GATAD2B: variants seen among roughly 807,000 people sequenced by gnomAD.
GATAD2B encodes GATA zinc finger domain containing 2B.
In GATAD2B, 8 loss-of-function variants were observed where a neutral mutation model predicts 64.3. That is an observed-to-expected ratio of 0.12 (90% CI 0.07 to 0.22). The LOEUF (loss-of-function observed/expected upper bound fraction) is 0.22. Among genes scored for constraint, GATAD2B ranks in the 10% least tolerant of loss-of-function variants. The probability of loss-of-function intolerance (pLI) is 1.00; values close to 1 mark genes in which losing one functional copy is unlikely to be tolerated. For synonymous variants in GATAD2B, 281 were observed against 271.3 expected, an observed-to-expected ratio of 1.04 and a Z score of -0.35; for missense variants, 453 against 752.0, an observed-to-expected ratio of 0.60 and a Z score of 4.65.
chr1:153,820,553 C>T (rs1456736181), intron 2 of GATAD2B, among the ~76,000 whole-genome samples: 1 of 152,194 alleles, frequency 6.6e-6, no homozygotes, highest in Non-Finnish European at 1.5e-5. Flanking sequence ...TTCAAAGATA[C>T]ATTCCCAGAT....
At chr1:153,859,884 G>A (rs1187145121) in intron 1 of GATAD2B, among the ~76,000 whole-genome samples, 3 of 137,858 alleles carry the variant, frequency 2.2e-5, no homozygotes, top group Admixed American at 1.4e-4. Flanking sequence ...TCTTTGTGCT[G>A]TCAAGGAATT....
intron 1 of GATAD2B, among the ~76,000 whole-genome samples, chr1:153,859,437 A>C (rs1209835968): frequency 6.6e-6 from 1 of 151,504 alleles, no homozygotes; most frequent in African/African-American, 2.4e-5. Flanking sequence ...TGGGAGACCC[A>C]GGTGGGTGGA....
At chr1:153,893,006 T>C (rs1376892194) in intron 1 of GATAD2B, among the ~76,000 whole-genome samples, 3 of 152,082 alleles carry the variant, frequency 2.0e-5, no homozygotes, top group Non-Finnish European at 2.9e-5. Flanking sequence ...AAATCTTCTT[T>C]ATTGAAATGA....
At chr1:153,818,312 T>TTA in intron 4 of GATAD2B, 141 bp from the exon 5 acceptor site, 3 of 601,508 alleles carry the variant, frequency 5.0e-6, no homozygotes, top group Admixed American at 4.3e-5. Flanking sequence ...AGTCAAGGTT[T>TTA]TCTTTTTTTT....
intron 1 of GATAD2B, among the ~76,000 whole-genome samples, chr1:153,861,625 A>T (rs1455673303): frequency 6.7e-6 from 1 of 149,644 alleles, no homozygotes; most frequent in Non-Finnish European, 1.5e-5. Flanking sequence ...CTACTAAAAA[A>T]AAAAAAAATT....
At position 153,897,033 on chromosome 1, in the gene GATAD2B, C is replaced by CTTT. The variant is rs764620884; in HGVS notation, c.-2+25697_-2+25699dup. Among the ~76,000 whole-genome samples, 1,025 of 142,524 alleles carry CTTT rather than the reference C, an allele frequency of 7.2e-3. 10 individuals are homozygous for CTTT. Among genetic ancestry groups the CTTT allele is most frequent in the Non-Finnish European group, 0.01 (672 of 65,314 alleles). The allele number at this position is 142,524 out of a possible 152,430, so 93.5% of individuals were successfully genotyped here. A position where few individuals can be genotyped will look rare whatever the true frequency, so the allele number is the denominator to read the frequency against. On this transcript the variant is annotated intron_variant, in intron 1 of 10. Coordinates refer to ENST00000368655, the MANE Select transcript of GATAD2B (RefSeq NM_020699.4). ...GGGAACTAAAATAGCTCTTAGAACA[C>CTTT]TTTTTTTTTTTTTTTGAGATGGAGT... is the stretch of plus-strand genomic sequence containing the variant.
At chr1:153,821,542 G>A (rs1022285297) in intron 2 of GATAD2B, among the ~76,000 whole-genome samples, 3 of 151,974 alleles carry the variant, frequency 2.0e-5, no homozygotes, top group African/African-American at 7.3e-5. Context: ...CCCCAAATAT[G>A]AGGAGTAACA....
At chr1:153,848,602 G>C (rs1256494777) in intron 1 of GATAD2B, among the ~76,000 whole-genome samples, 3 of 152,152 alleles carry the variant, frequency 2.0e-5, no homozygotes, top group Non-Finnish European at 2.9e-5. Context: ...ATTCCTAGCT[G>C]TCATTCTCCT....
intron 1 of GATAD2B, among the ~76,000 whole-genome samples, chr1:153,865,607 T>TAAGTAACAGATTA (rs1676451679): frequency 6.6e-6 from 1 of 152,224 alleles, no homozygotes; most frequent in South Asian, 2.1e-4. Context: ...TTCTGTTACA[T>TAAGTAACAGATTA]AAGTAAAGAC....
At chr1:153,892,140 G>T (rs1305015473) in intron 1 of GATAD2B, among the ~76,000 whole-genome samples, 1 of 145,780 alleles carries the variant, frequency 6.9e-6, no homozygotes, top group African/African-American at 2.6e-5. Context: ...ACTCTAGCCT[G>T]GCAACAGAGT....
intron 1 of GATAD2B, among the ~76,000 whole-genome samples, chr1:153,846,315 C>T (rs1675687254): frequency 6.6e-6 from 1 of 152,104 alleles, no homozygotes; most frequent in Non-Finnish European, 1.5e-5. Flanking sequence ...TCACTGCAAC[C>T]TCTGCCTCCG....
intron 1 of GATAD2B, among the ~76,000 whole-genome samples, chr1:153,900,842 T>A (rs1449824464): frequency 6.6e-6 from 1 of 152,208 alleles, no homozygotes; most frequent in Non-Finnish European, 1.5e-5. Flanking sequence ...ACTTTACTTA[T>A]AAACACTGAA....
chr1:153,840,026 CTTTTTTTTTT>C (rs779722872), intron 1 of GATAD2B, among the ~76,000 whole-genome samples: 2 of 97,828 alleles, frequency 2.0e-5, no homozygotes, highest in Non-Finnish European at 1.9e-5. Context: ...AAAATACTTT[CTTTTTTTTTT>C]TTTTTTTTTT....
intron 1 of GATAD2B, among the ~76,000 whole-genome samples, chr1:153,918,517 C>T (rs1048981271): frequency 6.6e-6 from 1 of 152,170 alleles, no homozygotes; most frequent in Non-Finnish European, 1.5e-5. Context: ...AATCTAAATC[C>T]TACTAACATT....
intron 1 of GATAD2B, among the ~76,000 whole-genome samples, chr1:153,837,258 T>C (rs144604455): frequency 4.0e-4 from 60 of 151,896 alleles, no homozygotes; most frequent in African/African-American, 1.2e-3. Flanking sequence ...GGGAGGCTGG[T>C]GTGGGAGGAA....
At chr1:153,862,637 T>C (rs1676347249) in intron 1 of GATAD2B, among the ~76,000 whole-genome samples, 1 of 151,940 alleles carries the variant, frequency 6.6e-6, no homozygotes, top group Non-Finnish European at 1.5e-5. Flanking sequence ...TGCAGTTCCA[T>C]GAACTGCAAA....
At chr1:153,827,705 T>G (rs1426861029) in intron 2 of GATAD2B, 1 of 325,722 alleles carries the variant, frequency 3.1e-6, no homozygotes, top group Admixed American at 4.5e-5. Flanking sequence ...AAGACGGCCA[T>G]GAAGATTAGA....
At chr1:153,815,103 A>AAAAAAAAAAAAAAAAAAAC (rs1674416706) in intron 7 of GATAD2B, among the ~76,000 whole-genome samples, 1 of 142,416 alleles carries the variant, frequency 7.0e-6, no homozygotes, top group Non-Finnish European at 1.6e-5. Flanking sequence ...AAAAAAAAAA[A>AAAAAAAAAAAAAAAAAAAC]AAAAAAAAAC....
chr1:153,878,618 A>C (rs1049211233), intron 1 of GATAD2B, among the ~76,000 whole-genome samples: 1 of 152,120 alleles, frequency 6.6e-6, no homozygotes, highest in Non-Finnish European at 1.5e-5. Context: ...TTTCCTCTAG[A>C]CTGCAACCTG....
Sources: allele counts gnomAD v4.1 joint callset (sites outside exome capture counted in the v4.1 genomes callset), GRCh38; gene constraint gnomAD v4.1.1; transcripts MANE v1.5; gene names NCBI Gene and HGNC (gene_info 2026-07-23, HGNC 2026-07-21).